DNM2: variants seen among roughly 807,000 people sequenced by gnomAD.
DNM2 encodes the protein dynamin-2.
DNM2 carries 15 observed loss-of-function variants against 99.0 expected under a neutral mutation model. The observed-to-expected ratio is 0.15, with a 90% CI of 0.10 to 0.23. The LOEUF (loss-of-function observed/expected upper bound fraction) is 0.23, where lower values mean the gene tolerates loss of function less well. DNM2 is among the 10% of genes least tolerant of loss of function. The pLI is 1.00. For synonymous variants in DNM2, 525 were observed against 481.2 expected (o/e 1.09, Z -1.19); for missense variants, 742 against 1,189.4 (o/e 0.62, Z 5.53).
Position 10,830,988 on chromosome 19 carries a change from C to A in DNM2, c.2554C>A (p.Pro852Thr). ...TTATTCTCTTTGCAGCAGAAGACCCCCTGCTGCGCCCAGCCGGCCCACCAT... is the reference window on the plus strand; with the variant it reads ...TTATTCTCTTTGCAGCAGAAGACCCACTGCTGCGCCCAGCCGGCCCACCAT... The part of the protein sequence containing the change: ...IPPGVPSRRP[P>T]AAPSRPTIIR... The change falls in exon 21 of 21, where the codon CCT (proline) becomes ACT (threonine). Residue 852 changes from proline to threonine, a missense_variant. Pro to Thr is a conservative substitution (Grantham distance 38). Around this residue, in one of 7 missense-constraint regions of DNM2, gnomAD observed 187 missense variants for 218.8 expected, o/e 0.85. Transcript: ENST00000389253. The surrounding 1 kb of genome is among the most constrained non-coding windows in gnomAD (Gnocchi z 4.8). The A allele has an allele frequency of 1.9e-6, 3 of 1,611,720 alleles. No homozygotes were observed. The highest frequency in any genetic ancestry group is 2.5e-6 in the Non-Finnish European group (3 of 1,179,070).
At chr19:10,828,094 GC>G (rs774366007) in intron 18 of DNM2, among the ~76,000 whole-genome samples, 1 of 151,004 alleles carries the variant, frequency 6.6e-6, no homozygotes, top group Non-Finnish European at 1.5e-5. Context: ...TTAAAGACCA[GC>G]CTGGCCAATA....
chr19:10,759,117 T>C (rs2070529551), intron 1 of DNM2, among the ~76,000 whole-genome samples: 1 of 152,166 alleles, frequency 6.6e-6, no homozygotes, highest in South Asian at 2.1e-4. Flanking sequence ...AATTTTAGTT[T>C]AGTTTAGTTT....
chr19:10,778,219 G>C (rs1370822606), intron 5 of DNM2, among the ~76,000 whole-genome samples: 2 of 151,524 alleles, frequency 1.3e-5, no homozygotes, highest in African/African-American at 4.8e-5. Context: ...ATTTTTAATT[G>C]AGACAGGGTT....
intron 1 of DNM2, among the ~76,000 whole-genome samples, chr19:10,731,340 C>A (rs1047651973): frequency 6.6e-6 from 1 of 150,396 alleles, no homozygotes; most frequent in Non-Finnish European, 1.5e-5. Context: ...CCAGGTTGTT[C>A]TTTTCTTTTC....
rs1455457808 is a variant in DNM2 at position 10,786,813 on chromosome 19, C to T, written c.992+107C>T. On this transcript the variant is annotated intron_variant, in intron 7 of 20. Coordinates refer to ENST00000389253, the MANE Select transcript of DNM2 (RefSeq NM_001005361.3). ...CTCATCACTCGTCCACTCATTGATT[C>T]AGCAGACACTTGCTGCAAGCCTTCT... 2.6e-6 allele frequency: 4 copies of T among 1,560,772 alleles called. No homozygotes were observed. The Admixed American group carries it at 5.7e-5, about 22-fold the overall frequency.
intron 1 of DNM2, among the ~76,000 whole-genome samples, chr19:10,731,645 T>C (rs2069324161): frequency 6.6e-6 from 1 of 152,090 alleles, no homozygotes; most frequent in Non-Finnish European, 1.5e-5. Context: ...TGAGCCGCCG[T>C]GCCCGGCCCC....
At chr19:10,753,149 A>G (rs1164016047) in intron 1 of DNM2, among the ~76,000 whole-genome samples, 1 of 152,130 alleles carries the variant, frequency 6.6e-6, no homozygotes, top group Admixed American at 6.6e-5. Flanking sequence ...CAAAAAGGTT[A>G]ATAATCATGA....
At chr19:10,773,449 AT>A (rs71164121) in intron 3 of DNM2, among the ~76,000 whole-genome samples, 107,378 of 124,438 alleles carry the variant, frequency 0.86, 46,208 homozygotes, top group Non-Finnish European at 0.91. Flanking sequence ...GCCCGGCCAA[AT>A]TTTTTTTTTT....
intron 13 of DNM2, among the ~76,000 whole-genome samples, chr19:10,806,800 A>G (rs2072351968): frequency 2.0e-5 from 3 of 152,098 alleles, no homozygotes. Flanking sequence ...CTCCAAAAAT[A>G]ATAATAATAA....
In DNM2 at chr19:10,812,071, A is replaced by T; in HGVS notation, c.1558-193A>T. 1.8e-6 allele frequency: 1 copy of T among 549,100 alleles called. No individual in the cohort carries two copies. The highest frequency in any genetic ancestry group is 3.5e-6 in the Non-Finnish European group (1 of 287,934). The allele number at this position is 549,100 out of a possible 1,614,324, so 34.0% of individuals were successfully genotyped here. ...AGTCTGTCTGTCCGCCCACCTGCCC[A>T]GGTGGCGCCTCATGTTGGTTTCCTG... On this transcript the variant is annotated intron_variant, in intron 14 of 20. Transcript: ENST00000389253. This position sits in a 1 kb window ranked among gnomAD's most constrained non-coding sequence, Gnocchi z 4.0.
At chr19:10,729,582 G>A (rs78624398) in intron 1 of DNM2, among the ~76,000 whole-genome samples, 4,721 of 152,202 alleles carry the variant, frequency 0.031, 81 homozygotes, top group South Asian at 0.095. Context: ...TGCCCCCTGC[G>A]GACCGGAAAG....
chr19:10,733,285 G>C lies in DNM2; in HGVS notation c.161+14882G>C, dbSNP rs528716757. Among the ~76,000 whole-genome samples, 6 of 149,350 alleles carry C rather than the reference G, an allele frequency of 4.0e-5. No individual in the cohort carries two copies. In the East Asian group the frequency reaches 6.0e-4, roughly 15 times the overall value. On this transcript the variant is annotated intron_variant, in intron 1 of 20. Transcript: ENST00000389253. ...CGGCTTACTGCAACCTCCCCCTCTC[G>C]GGCTCAAACCATTCTCCCACCACAG... is the stretch of plus-strand genomic sequence containing the variant.
intron 1 of DNM2, among the ~76,000 whole-genome samples, chr19:10,719,796 C>T (rs959131796): frequency 2.6e-5 from 4 of 152,154 alleles, no homozygotes; most frequent in African/African-American, 9.7e-5. Context: ...GGGGTGGAGG[C>T]TGTGTTATCA....
chr19:10,755,922 C>T (rs2145834471), intron 1 of DNM2, among the ~76,000 whole-genome samples: 1 of 152,232 alleles, frequency 6.6e-6, no homozygotes, highest in East Asian at 1.9e-4. Flanking sequence ...CCTTGGCTTC[C>T]CAAAGTGCTG....
chr19:10,739,926 T>C (rs954821590), intron 1 of DNM2, among the ~76,000 whole-genome samples: 1 of 151,900 alleles, frequency 6.6e-6, no homozygotes, highest in African/African-American at 2.4e-5. Context: ...GGACTTTTCT[T>C]TGTGGGACGT....
intron 1 of DNM2, among the ~76,000 whole-genome samples, chr19:10,748,484 G>A (rs529533907): frequency 1.3e-5 from 2 of 152,292 alleles, no homozygotes; most frequent in South Asian, 2.1e-4. Context: ...TGTGTGGGCC[G>A]AGCACTGTAA....
chr19:10,820,791 C>T lies in DNM2; in HGVS notation c.1781+702C>T, dbSNP rs922304510. On this transcript the variant is annotated intron_variant, in intron 16 of 20. Coordinates refer to ENST00000389253, the MANE Select transcript of DNM2 (RefSeq NM_001005361.3). This position sits in a 1 kb window ranked among gnomAD's most constrained non-coding sequence, Gnocchi z 4.3. ...GATGTGAACTGGGCAGTCACCATTG[C>T]GTGGATGGTATTTCAAGGAACGAAA... Among the ~76,000 whole-genome samples the T allele has an allele frequency of 1.3e-5, 2 of 152,306 alleles. No individual in the cohort carries two copies. The highest frequency in any genetic ancestry group is 6.5e-5 in the Admixed American group (1 of 15,302).
intron 18 of DNM2, among the ~76,000 whole-genome samples, chr19:10,827,209 C>T (rs1013664747): frequency 2.0e-5 from 3 of 152,078 alleles, no homozygotes; most frequent in Admixed American, 1.3e-4. Context: ...CCGATAGGAT[C>T]GGAGACATAT....
Position 10,823,909 on chromosome 19 carries a change from C to G in DNM2, c.1893+10C>G. ...CCCCGAGAAGGACCAGGTGAGGAGC[C>G]GTCCTGCGCAGCCAGGCCCAGAGCC... On this transcript the variant is annotated intron_variant, in intron 17 of 20. Coordinates refer to ENST00000389253, the MANE Select transcript of DNM2 (RefSeq NM_001005361.3). The G allele has an allele frequency of 6.2e-7, 1 of 1,612,594 alleles. No homozygotes were observed. The highest frequency in any genetic ancestry group is 1.1e-5 in the South Asian group (1 of 91,052).
Sources: allele counts gnomAD v4.1 joint callset (sites outside exome capture counted in the v4.1 genomes callset), GRCh38; gene constraint gnomAD v4.1.1; regional missense constraint gnomAD v4.1.1; non-coding constraint Gnocchi (gnomAD v3.1); transcripts MANE v1.5; gene names NCBI Gene and HGNC (gene_info 2026-07-23, HGNC 2026-07-21).